Variants in AKAP6 observed in about 807,000 individuals in gnomAD.
AKAP6 encodes A-kinase anchoring protein 6, also known as A-kinase anchor protein 6.
In AKAP6, 58 loss-of-function variants were observed where a neutral mutation model predicts 188.5. That is an observed-to-expected ratio of 0.31 (90% CI 0.25 to 0.38). The LOEUF is 0.38. AKAP6 is among the 10% of genes least tolerant of loss of function. The pLI, the probability that AKAP6 is intolerant of heterozygous loss-of-function variation, is 1.00. For synonymous variants in AKAP6, 989 were observed against 998.6 expected, an observed-to-expected ratio of 0.99 and a Z score of 0.18; for missense variants, 2,710 against 2,740.0, an observed-to-expected ratio of 0.99 and a Z score of 0.24.
At chr14:32,660,926 C>CG (rs1888666685) in intron 7 of AKAP6, among the ~76,000 whole-genome samples, 1 of 76,536 alleles carries the variant, frequency 1.3e-5, no homozygotes, top group Non-Finnish European at 2.5e-5. Context: ...TCCCCGCCAC[C>CG]CCCCCCCCTC....
chr14:32,474,920 G>C (rs1488415820), intron 2 of AKAP6, among the ~76,000 whole-genome samples: 1 of 152,138 alleles, frequency 6.6e-6, no homozygotes, highest in African/African-American at 2.4e-5. Context: ...TTTGGGAGAG[G>C]TGTACATATG....
At chr14:32,812,327 A>G (rs967025880) in intron 12 of AKAP6, among the ~76,000 whole-genome samples, 4 of 152,312 alleles carry the variant, frequency 2.6e-5, no homozygotes, top group East Asian at 1.9e-4. Context: ...TTTCAGTTCT[A>G]TGTAATACTA....
chr14:32,498,405 C>G (rs537668729), intron 2 of AKAP6, among the ~76,000 whole-genome samples: 3 of 152,042 alleles, frequency 2.0e-5, no homozygotes, highest in Non-Finnish European at 1.5e-5. Context: ...TTAAAATAAT[C>G]TTTAACACTT....
intron 9 of AKAP6, among the ~76,000 whole-genome samples, chr14:32,706,995 AGTT>A (rs1173855646): frequency 1.3e-5 from 2 of 152,130 alleles, no homozygotes; most frequent in African/African-American, 4.8e-5. Context: ...TTTCCTAAGT[AGTT>A]GATTCCATAT....
At chr14:32,653,857 A>G (rs1355348870) in intron 7 of AKAP6, among the ~76,000 whole-genome samples, 1 of 152,172 alleles carries the variant, frequency 6.6e-6, no homozygotes, top group Non-Finnish European at 1.5e-5. Flanking sequence ...TTTGAGTTCA[A>G]CAGAAAAACA....
intron 9 of AKAP6, among the ~76,000 whole-genome samples, chr14:32,715,452 G>A (rs1376046424): frequency 6.6e-5 from 10 of 151,034 alleles, no homozygotes; most frequent in Non-Finnish European, 1.2e-4. Flanking sequence ...AAAGCAAAAC[G>A]AAAAAACATG....
intron 12 of AKAP6, among the ~76,000 whole-genome samples, chr14:32,806,300 T>G (rs1210685492): frequency 6.6e-6 from 1 of 152,210 alleles, no homozygotes; most frequent in Non-Finnish European, 1.5e-5. Context: ...CAAAACTAAA[T>G]ACAAAACTGT....
intron 12 of AKAP6, among the ~76,000 whole-genome samples, chr14:32,797,392 G>C (rs893568442): frequency 3.9e-5 from 6 of 152,150 alleles, no homozygotes; most frequent in African/African-American, 1.2e-4. Flanking sequence ...ACTAGATAAA[G>C]AATATGTGGT....
intron 12 of AKAP6, among the ~76,000 whole-genome samples, chr14:32,800,830 C>T (rs2033925725): frequency 6.6e-6 from 1 of 151,944 alleles, no homozygotes; most frequent in African/African-American, 2.4e-5. Context: ...ACCTGGGCAA[C>T]ATAGCAAAAA....
intron 2 of AKAP6, among the ~76,000 whole-genome samples, chr14:32,460,754 A>G (rs1891296209): frequency 6.6e-6 from 1 of 152,242 alleles, no homozygotes; most frequent in Non-Finnish European, 1.5e-5. Flanking sequence ...GTTGAAGCCA[A>G]GGAGCCAAGT....
At chr14:32,479,086 C>T (rs1278939223) in intron 2 of AKAP6, among the ~76,000 whole-genome samples, 1 of 152,146 alleles carries the variant, frequency 6.6e-6, no homozygotes, top group Non-Finnish European at 1.5e-5. Flanking sequence ...GTGACTTATA[C>T]CAAGTAGACA....
At chr14:32,513,803 TTTTAC>T (rs1257554876) in intron 2 of AKAP6, among the ~76,000 whole-genome samples, 1 of 152,216 alleles carries the variant, frequency 6.6e-6, no homozygotes, top group African/African-American at 2.4e-5. Flanking sequence ...TTGACATATT[TTTTAC>T]TTTAGTATAC....
chr14:32,581,359 C>G (rs1276671695), intron 5 of AKAP6, among the ~76,000 whole-genome samples: 2 of 152,116 alleles, frequency 1.3e-5, no homozygotes, highest in Non-Finnish European at 2.9e-5. Flanking sequence ...GTCTGAGAGA[C>G]AGTTTGTTAT....
intron 4 of AKAP6, among the ~76,000 whole-genome samples, chr14:32,567,853 T>A (rs987604890): frequency 3.3e-5 from 5 of 152,138 alleles, no homozygotes; most frequent in African/African-American, 1.2e-4. Context: ...TCCAGAAATG[T>A]TTATTTAAAG....
intron 2 of AKAP6, among the ~76,000 whole-genome samples, chr14:32,448,125 T>C: frequency 6.6e-6 from 1 of 152,220 alleles, no homozygotes; most frequent in East Asian, 1.9e-4. Context: ...TGTTCTCAAT[T>C]GCCTGGACTA....
chr14:32,746,776 C>T (rs145965258), intron 11 of AKAP6, among the ~76,000 whole-genome samples: 1 of 152,260 alleles, frequency 6.6e-6, no homozygotes, highest in African/African-American at 2.4e-5. Flanking sequence ...CCTATGTAGA[C>T]TCAAAAGTCC....
chr14:32,646,995 T>A (rs1362946084), intron 7 of AKAP6, among the ~76,000 whole-genome samples: 2 of 152,130 alleles, frequency 1.3e-5, no homozygotes, highest in African/African-American at 2.4e-5. Flanking sequence ...CTACAACTAT[T>A]TTGATATCTT....
intron 1 of AKAP6, among the ~76,000 whole-genome samples, chr14:32,334,434 A>T (rs1013822279): frequency 2.0e-5 from 3 of 152,156 alleles, no homozygotes; most frequent in African/African-American, 7.2e-5. Flanking sequence ...CTATCTCGCT[A>T]TCATAATGCC....
rs747241071 is a variant in AKAP6 at position 32,546,013 on chromosome 14, C to G, written c.1360C>G (p.Gln454Glu). ...SYPNSPSAAS[Q>E]SYECLHKVGN... ...CCCCAACAGCCCTTCTGCTGCCAGC[C>G]AGTCTTATGAGTGTTTACACAAGGT... The change falls in exon 4 of 14, where the codon CAG becomes GAG. Residue 454 changes from glutamine to glutamate, a missense_variant. Around this residue, in one of 2 missense-constraint regions of AKAP6, gnomAD observed 2,473 missense variants for 2,426.1 expected, o/e 1.02. Transcript: ENST00000280979. The G allele has an allele frequency of 1.2e-6, 2 of 1,614,140 alleles. No homozygotes were observed. The highest frequency in any genetic ancestry group is 3.3e-5 in the Admixed American group (2 of 60,020).
Sources: gnomAD v4.1 joint callset for allele counts (sites outside exome capture counted in the v4.1 genomes callset) on GRCh38, gnomAD v4.1.1 for gene constraint, gnomAD v4.1.1 regional missense constraint, MANE v1.5 for transcripts, NCBI Gene and HGNC (gene_info 2026-07-23, HGNC 2026-07-21) for gene names.